Variants in KDM4C observed in about 807,000 individuals in gnomAD.
KDM4C encodes lysine demethylase 4C, also known as lysine-specific demethylase 4C.
KDM4C carries 81 observed loss-of-function variants against 129.3 expected under a neutral mutation model. The observed-to-expected ratio is 0.63, with a 90% CI of 0.52 to 0.75. The LOEUF (loss-of-function observed/expected upper bound fraction) is 0.75, where lower values mean the gene tolerates loss of function less well. Among genes scored for constraint, KDM4C ranks in the 30% least tolerant of loss-of-function variants. KDM4C has a pLI of 0.00. For synonymous variants in KDM4C, 573 were observed against 456.1 expected (o/e 1.26, Z -3.26); for missense variants, 1,457 against 1,304.0 (o/e 1.12, Z -1.81).
At chr9:6,937,672 G>GT (rs1177022508) in intron 8 of KDM4C, among the ~76,000 whole-genome samples, 2 of 151,920 alleles carry the variant, frequency 1.3e-5, no homozygotes, top group Non-Finnish European at 2.9e-5. Context: ...TGGGAACACT[G>GT]TTTTTTTCTT....
chr9:6,793,379 C>T (rs1184181518), intron 2 of KDM4C, among the ~76,000 whole-genome samples: 1 of 151,616 alleles, frequency 6.6e-6, no homozygotes, highest in Non-Finnish European at 1.5e-5. Context: ...CCAAGGGTGG[C>T]TGATGGAAAC....
intron 1 of KDM4C, among the ~76,000 whole-genome samples, chr9:6,785,375 C>G (rs1452748031): frequency 2.0e-5 from 3 of 149,378 alleles, no homozygotes; most frequent in South Asian, 4.2e-4. Context: ...CTCACTCTGT[C>G]ACACAGGCTG....
At chr9:6,740,037 G>GC (rs1563920160) in intron 1 of KDM4C, among the ~76,000 whole-genome samples, 1 of 149,986 alleles carries the variant, frequency 6.7e-6, no homozygotes, top group Non-Finnish European at 1.5e-5. Context: ...CTACAGGCGC[G>GC]CGCCACCACA....
chr9:7,034,032 G>T (rs189150191), intron 15 of KDM4C, among the ~76,000 whole-genome samples: 2 of 152,050 alleles, frequency 1.3e-5, no homozygotes, highest in East Asian at 3.9e-4. Flanking sequence ...GGTGGTGGTG[G>T]TGGGGCATCA....
intron 4 of KDM4C, among the ~76,000 whole-genome samples, chr9:6,847,362 C>A (rs1677436225): frequency 6.6e-6 from 1 of 151,772 alleles, no homozygotes; most frequent in Admixed American, 6.6e-5. Context: ...GATTGAACTT[C>A]TATGAGGTCT....
intron 15 of KDM4C, among the ~76,000 whole-genome samples, 169 bp from the exon 16 acceptor site, chr9:7,046,693 C>G (rs905570940): frequency 2.0e-5 from 3 of 151,866 alleles, no homozygotes; most frequent in Non-Finnish European, 4.4e-5. Flanking sequence ...CTACCATTTC[C>G]CCCTCCGCTG....
intron 5 of KDM4C, among the ~76,000 whole-genome samples, chr9:6,873,683 A>T (rs1206495078): frequency 6.6e-6 from 1 of 152,226 alleles, no homozygotes; most frequent in Non-Finnish European, 1.5e-5. Context: ...ATGTCCAGAC[A>T]TGCCAACATT....
At chr9:7,157,649 A>T (rs1843331956) in intron 19 of KDM4C, among the ~76,000 whole-genome samples, 1 of 152,150 alleles carries the variant, frequency 6.6e-6, no homozygotes, top group Admixed American at 6.6e-5. Context: ...TATGTGATGG[A>T]TTACATTTAT....
intron 4 of KDM4C, among the ~76,000 whole-genome samples, chr9:6,839,094 C>G (rs149019434): frequency 1.5e-3 from 232 of 152,262 alleles, no homozygotes; most frequent in African/African-American, 5.3e-3. Context: ...TTTACATTAG[C>G]CTAGCTTTAA....
intron 4 of KDM4C, among the ~76,000 whole-genome samples, chr9:6,847,113 T>C (rs1456526273): frequency 6.6e-6 from 1 of 152,194 alleles, no homozygotes; most frequent in Non-Finnish European, 1.5e-5. Flanking sequence ...AAATAAAACT[T>C]AGATGTCTCC....
chr9:7,154,194 G>A (rs189117777), intron 19 of KDM4C, among the ~76,000 whole-genome samples: 1 of 152,306 alleles, frequency 6.6e-6, no homozygotes, highest in Admixed American at 6.5e-5. Flanking sequence ...ATGACAGATA[G>A]CCACTATGAT....
intron 5 of KDM4C, among the ~76,000 whole-genome samples, chr9:6,877,352 C>T (rs905320741): frequency 1.3e-5 from 2 of 152,308 alleles, no homozygotes; most frequent in East Asian, 3.9e-4. Flanking sequence ...AGGCGCCCGC[C>T]ACCACACCCG....
intron 17 of KDM4C, among the ~76,000 whole-genome samples, chr9:7,095,517 C>G (rs1313267576): frequency 6.8e-6 from 1 of 146,002 alleles, no homozygotes; most frequent in Non-Finnish European, 1.5e-5. Context: ...AAACAAAGAT[C>G]TTTTTTTTTT....
At chr9:7,087,805 A>G (rs764364470) in intron 17 of KDM4C, among the ~76,000 whole-genome samples, 13 of 152,246 alleles carry the variant, frequency 8.5e-5, no homozygotes, top group African/African-American at 2.4e-4. Context: ...CTAAATGTCA[A>G]TATTTAATCC....
chr9:6,867,666 T>C (rs1842249995), intron 5 of KDM4C, among the ~76,000 whole-genome samples: 1 of 152,244 alleles, frequency 6.6e-6, no homozygotes, highest in African/African-American at 2.4e-5. Context: ...TTTGGTAATT[T>C]ATGATTTTAT....
intron 17 of KDM4C, among the ~76,000 whole-genome samples, chr9:7,056,703 T>C (rs1006629340): frequency 2.0e-5 from 3 of 152,222 alleles, no homozygotes; most frequent in Admixed American, 6.5e-5. Context: ...TTTAAAAACA[T>C]TATTAGACAG....
intron 8 of KDM4C, among the ~76,000 whole-genome samples, chr9:6,908,564 T>C (rs183958398): frequency 1.5e-3 from 235 of 151,882 alleles, no homozygotes; most frequent in Non-Finnish European, 2.7e-3. Flanking sequence ...CCACGGAGAA[T>C]CAGGGCAGAA....
chr9:6,843,512 C>T (rs949330601), intron 4 of KDM4C, among the ~76,000 whole-genome samples: 1 of 152,192 alleles, frequency 6.6e-6, no homozygotes, highest in African/African-American at 2.4e-5. Context: ...AAAACAGTTT[C>T]AGTGAAAGAC....
At chr9:6,962,407 T>C (rs1013790599) in intron 8 of KDM4C, among the ~76,000 whole-genome samples, 6 of 152,200 alleles carry the variant, frequency 3.9e-5, no homozygotes, top group African/African-American at 1.4e-4. Context: ...AATGTTCAGA[T>C]GAGTTAAGGA....
Sources: gnomAD v4.1 joint callset for allele counts (sites outside exome capture counted in the v4.1 genomes callset) on GRCh38, gnomAD v4.1.1 for gene constraint, MANE v1.5 for transcripts, NCBI Gene and HGNC (gene_info 2026-07-23, HGNC 2026-07-21) for gene names.